PLCE1: variants seen among roughly 807,000 people sequenced by gnomAD.
The protein encoded by PLCE1 is phospholipase C epsilon 1.
In PLCE1, 119 loss-of-function variants were observed where a neutral mutation model predicts 242.8. The ratio of observed to expected loss-of-function variants is 0.49; its 90% CI spans 0.42 to 0.57. PLCE1 has a LOEUF of 0.57. PLCE1 is among the 20% of genes least tolerant of loss of function. PLCE1 has a pLI of 0.00. For synonymous variants in PLCE1, 945 were observed against 1,017.4 expected, an observed-to-expected ratio of 0.93 and a Z score of 1.35; for missense variants, 2,441 against 2,788.8, an observed-to-expected ratio of 0.88 and a Z score of 2.81.
chr10:94,130,117 C>A (rs1321442215), intron 2 of PLCE1, among the ~76,000 whole-genome samples: 2 of 152,218 alleles, frequency 1.3e-5, no homozygotes, highest in African/African-American at 2.4e-5. Context: ...TCAGTTACTT[C>A]TGAAGGACTT....
At chr10:94,273,463 C>A in intron 18 of PLCE1, 99 bp from the exon 19 acceptor site, 1 of 1,168,750 alleles carries the variant, frequency 8.6e-7, no homozygotes, top group Non-Finnish European at 1.2e-6. Context: ...TTAAATAATT[C>A]AACCAGTCTA....
intron 4 of PLCE1, among the ~76,000 whole-genome samples, chr10:94,195,952 A>G (rs1198808073): frequency 6.6e-6 from 1 of 152,140 alleles, no homozygotes; most frequent in Non-Finnish European, 1.5e-5. Context: ...ATGATATCTA[A>G]TGCTTCTTAG....
intron 3 of PLCE1, among the ~76,000 whole-genome samples, chr10:94,145,517 C>T (rs998486466): frequency 2.0e-5 from 3 of 152,150 alleles, no homozygotes; most frequent in African/African-American, 7.2e-5. Flanking sequence ...TTTTCTTTGA[C>T]CGTTGCAGTA....
chr10:94,030,959 G>GTTT lies in PLCE1; in HGVS notation c.-87_-86insTTT, dbSNP rs1411211382. On this transcript the variant is annotated 5_prime_UTR_variant, in exon 2 of 33. Transcript: ENST00000371380. ...GAGGACTTGTGTATCTGAGATTGTT[G>GTTT]TAATAATCAGTCATTTTATTAAAAC... is the stretch of plus-strand genomic sequence containing the variant. The GTTT allele has an allele frequency of 2.3e-6, 3 of 1,286,738 alleles. No homozygotes were observed. In the African/African-American group the frequency reaches 4.4e-5, roughly 19 times the overall value. 79.7% of individuals were successfully genotyped at this position (1,286,738 alleles called of 1,614,324 possible).
intron 2 of PLCE1, among the ~76,000 whole-genome samples, chr10:94,098,807 T>C (rs1191734351): frequency 6.6e-6 from 1 of 152,250 alleles, no homozygotes; most frequent in African/African-American, 2.4e-5. Context: ...AATTGTTAGG[T>C]AATTCTGCAA....
chr10:94,285,970 C>A (rs192537521), intron 22 of PLCE1, among the ~76,000 whole-genome samples: 1 of 152,194 alleles, frequency 6.6e-6, no homozygotes, highest in South Asian at 2.1e-4. Flanking sequence ...ACCCGTTATA[C>A]TGCCTGGCCT....
intron 5 of PLCE1, among the ~76,000 whole-genome samples, chr10:94,231,692 G>C (rs910746841): frequency 2.0e-5 from 3 of 152,082 alleles, no homozygotes; most frequent in African/African-American, 2.4e-5. Flanking sequence ...CTCGGGGTGT[G>C]GGGGTGGGGG....
Position 94,031,183 on chromosome 10 carries a change from G to A in PLCE1, c.137G>A (p.Arg46Gln), listed in dbSNP as rs767766247. 20 of 1,613,694 alleles carry A rather than the reference G, an allele frequency of 1.2e-5. No homozygotes were observed. The highest frequency in any genetic ancestry group is 5.5e-5 in the South Asian group (5 of 91,082). ...INISKAHTVR[R>Q]SGETSHTISQ... The stretch of plus-strand genomic sequence containing the variant: ...ATTTCAAAAGCACATACTGTCAGAC[G>A]AAGTGGGGAGACTTCTCATACCATC... Residue 46 changes from arginine to glutamine, a missense_variant, in exon 2 of 33, where the codon CGA (arginine) becomes CAA (glutamine). Arg to Gln is a conservative substitution (Grantham distance 43). This residue lies in a region of PLCE1 where 393 missense variants were observed against 378.5 expected (regional missense o/e 1.04). Coordinates refer to ENST00000371380, the MANE Select transcript of PLCE1 (RefSeq NM_016341.4).
At chr10:94,262,264 G>A (rs1164110200) in intron 13 of PLCE1, among the ~76,000 whole-genome samples, 1 of 152,036 alleles carries the variant, frequency 6.6e-6, no homozygotes, top group Non-Finnish European at 1.5e-5. Context: ...GCCTCCCAAA[G>A]TGCTAGGATT....
rs146516851 is a variant in PLCE1 at position 94,266,124 on chromosome 10, C to T, written c.4281+166C>T. On this transcript the variant is annotated intron_variant, in intron 16 of 32. Coordinates refer to ENST00000371380, the MANE Select transcript of PLCE1 (RefSeq NM_016341.4). ...ATGTGTGGGAAAACTGGCTATACTA[C>T]AGCAGTCGTTTTCTTTACTTCTTTT... is the stretch of plus-strand genomic sequence containing the variant. Among the ~76,000 whole-genome samples the T allele has an allele frequency of 6.9e-3, 1,048 of 152,268 alleles. 10 individuals carry two copies. Among genetic ancestry groups the T allele is most frequent in the African/African-American group, 0.023 (972 of 41,558 alleles).
chr10:94,319,559 A>G (rs2053704429), intron 29 of PLCE1, among the ~76,000 whole-genome samples: 1 of 152,146 alleles, frequency 6.6e-6, no homozygotes, highest in Non-Finnish European at 1.5e-5. Flanking sequence ...CCTGTGGTCA[A>G]TGTGTCCTCT....
chr10:94,121,236 A>G (rs572911713), intron 2 of PLCE1: 7 of 152,406 alleles, frequency 4.6e-5, no homozygotes, highest in African/African-American at 1.7e-4. Flanking sequence ...GTTCACATGC[A>G]GGAGACTAGG....
intron 29 of PLCE1, among the ~76,000 whole-genome samples, chr10:94,318,922 C>A (rs942848744): frequency 3.3e-5 from 5 of 152,158 alleles, no homozygotes; most frequent in Admixed American, 3.3e-4. Context: ...GTAGCAGGCA[C>A]CTGTAGTCCC....
chr10:94,049,599 G>GTC (rs547011018), intron 2 of PLCE1, among the ~76,000 whole-genome samples: 12 of 150,722 alleles, frequency 8.0e-5, no homozygotes, highest in African/African-American at 1.7e-4. Context: ...CTGTCTGTCT[G>GTC]TCTCTCTCTC....
At chr10:94,095,267 G>A (rs2045263129) in intron 2 of PLCE1, among the ~76,000 whole-genome samples, 1 of 152,198 alleles carries the variant, frequency 6.6e-6, no homozygotes, top group Admixed American at 6.5e-5. Flanking sequence ...CCCCTCTGCA[G>A]CATGCCTTTT....
intron 2 of PLCE1, among the ~76,000 whole-genome samples, chr10:94,058,906 C>G (rs1329492801): frequency 6.6e-6 from 1 of 152,128 alleles, no homozygotes; most frequent in Non-Finnish European, 1.5e-5. Context: ...ACCTGCTGGA[C>G]CTCTCAGGAG....
At chr10:94,165,436 G>A (rs2047765446) in intron 3 of PLCE1, among the ~76,000 whole-genome samples, 1 of 152,186 alleles carries the variant, frequency 6.6e-6, no homozygotes, top group Admixed American at 6.5e-5. Flanking sequence ...AGCCAGGCGT[G>A]GGATACAATC....
At chr10:94,240,526 G>A (rs1046932679) in intron 7 of PLCE1, among the ~76,000 whole-genome samples, 4 of 152,088 alleles carry the variant, frequency 2.6e-5, no homozygotes, top group Admixed American at 6.5e-5. Flanking sequence ...AACAGCTGTG[G>A]CAAGTCCTTT....
chr10:94,232,232 C>A (rs2050168503), intron 5 of PLCE1, among the ~76,000 whole-genome samples: 1 of 152,046 alleles, frequency 6.6e-6, no homozygotes, highest in African/African-American at 2.4e-5. Flanking sequence ...TCATGTTGTA[C>A]TTCTTTATGT....
Sources: gnomAD v4.1 joint callset for allele counts (sites outside exome capture counted in the v4.1 genomes callset) on GRCh38, gnomAD v4.1.1 for gene constraint, gnomAD v4.1.1 regional missense constraint, MANE v1.5 for transcripts, NCBI Gene and HGNC (gene_info 2026-07-23, HGNC 2026-07-21) for gene names.